The following FOXN3 variants were observed in gnomAD, a reference collection of about 807,000 sequenced individuals.
The protein encoded by FOXN3 is forkhead box protein N3.
In FOXN3, 7 loss-of-function variants were observed where a neutral mutation model predicts 38.4. The ratio of observed to expected loss-of-function variants is 0.18; its 90% confidence interval spans 0.10 to 0.34. The LOEUF (loss-of-function observed/expected upper bound fraction) is 0.34, where lower values mean the gene tolerates loss of function less well. FOXN3 is among the 10% of genes least tolerant of loss of function. The pLI, the probability that FOXN3 is intolerant of heterozygous loss-of-function variation, is 1.00. For synonymous variants in FOXN3, 230 were observed against 242.2 expected, an observed-to-expected ratio of 0.95 and a Z score of 0.47; for missense variants, 456 against 613.4, an observed-to-expected ratio of 0.74 and a Z score of 2.71.
chr14:89,378,581 G>A (rs1890552547), intron 2 of FOXN3, among the ~76,000 whole-genome samples: 1 of 152,058 alleles, frequency 6.6e-6, no homozygotes, highest in African/African-American at 2.4e-5. Context: ...GATAAGAGGG[G>A]ACAATTTAAA....
intron 1 of FOXN3, among the ~76,000 whole-genome samples, chr14:89,533,404 C>T (rs1166597578): frequency 6.6e-6 from 1 of 152,194 alleles, no homozygotes. Context: ...TGGCTCACGC[C>T]TGTAATCCTA....
chr14:89,196,530 T>A (rs1165523979), intron 4 of FOXN3, among the ~76,000 whole-genome samples: 3 of 152,198 alleles, frequency 2.0e-5, no homozygotes, highest in African/African-American at 7.2e-5. Context: ...TGCTCTGTAA[T>A]GTCCCTTGAT....
intron 2 of FOXN3, among the ~76,000 whole-genome samples, chr14:89,366,240 G>A (rs1375760004): frequency 6.8e-6 from 1 of 147,452 alleles, no homozygotes; most frequent in Non-Finnish European, 1.5e-5. Flanking sequence ...GCGACAGAGC[G>A]AGACTCCGTC....
At chr14:89,324,535 A>G (rs1377208006) in intron 3 of FOXN3, among the ~76,000 whole-genome samples, 1 of 151,994 alleles carries the variant, frequency 6.6e-6, no homozygotes, top group Admixed American at 6.6e-5. Context: ...AGTAGGATAC[A>G]TGAGAAAATA....
In FOXN3 at chr14:89,337,013, G is replaced by A. The variant is rs986471173; in HGVS notation, c.680+13659C>T. On this transcript the variant is annotated intron_variant, in intron 3 of 5. Transcript: ENST00000557258. ...AGAATAAAATTCCATTGGAGTCACC[G>A]TATGTCCAATCCTTCCTTTCTCAAG... Among the ~76,000 whole-genome samples, 48 of 152,132 alleles carry A rather than the reference G, an allele frequency of 3.2e-4. 1 individual carries two copies. Among genetic ancestry groups the A allele is most frequent in the Middle Eastern group, 3.2e-3 (1 of 316 alleles).
At chr14:89,552,165 G>A (rs545444306) in intron 1 of FOXN3, among the ~76,000 whole-genome samples, 51 of 152,306 alleles carry the variant, frequency 3.3e-4, no homozygotes, top group African/African-American at 9.1e-4. Flanking sequence ...TGTTAAGACA[G>A]GACTTGGGCC....
At chr14:89,479,513 G>A (rs191986269) in intron 1 of FOXN3, among the ~76,000 whole-genome samples, 7 of 152,208 alleles carry the variant, frequency 4.6e-5, no homozygotes, top group Non-Finnish European at 8.8e-5. Context: ...GTAGTCGGTG[G>A]TGGCGGTGTG....
intron 2 of FOXN3, among the ~76,000 whole-genome samples, chr14:89,382,426 AC>A (rs1240971904): frequency 6.6e-6 from 1 of 152,154 alleles, no homozygotes; most frequent in African/African-American, 2.4e-5. Context: ...GCCCTTCCCA[AC>A]ATGGCACCTT....
At chr14:89,497,547 C>G (rs547310512) in intron 1 of FOXN3, among the ~76,000 whole-genome samples, 1 of 151,806 alleles carries the variant, frequency 6.6e-6, no homozygotes, top group East Asian at 2.0e-4. Flanking sequence ...GCTAGGATTA[C>G]AGGCATGCAC....
At chr14:89,429,686 C>G (rs1229513863) in intron 1 of FOXN3, among the ~76,000 whole-genome samples, 1 of 152,180 alleles carries the variant, frequency 6.6e-6, no homozygotes, top group Non-Finnish European at 1.5e-5. Context: ...GGGGAACAGG[C>G]GGCCCCAGCA....
At chr14:89,431,006 T>TA (rs1436601169) in intron 1 of FOXN3, among the ~76,000 whole-genome samples, 2 of 152,206 alleles carry the variant, frequency 1.3e-5, no homozygotes, top group African/African-American at 4.8e-5. Flanking sequence ...CATCTCCATT[T>TA]AAGGAAAATG....
intron 4 of FOXN3, among the ~76,000 whole-genome samples, chr14:89,225,803 G>A (rs1161705393): frequency 6.6e-6 from 1 of 152,042 alleles, no homozygotes; most frequent in East Asian, 1.9e-4. Context: ...AGGATCGTGT[G>A]TAACATAAAG....
At chr14:89,230,117 A>G (rs566601031) in intron 4 of FOXN3, among the ~76,000 whole-genome samples, 114 of 152,376 alleles carry the variant, frequency 7.5e-4, no homozygotes, top group Non-Finnish European at 1.6e-3. Flanking sequence ...GTATCTCCAT[A>G]GGAAACCAGG....
intron 4 of FOXN3, among the ~76,000 whole-genome samples, chr14:89,270,308 T>C (rs536030715): frequency 6.6e-6 from 1 of 152,216 alleles, no homozygotes; most frequent in Non-Finnish European, 1.5e-5. Context: ...GAAGGATCTA[T>C]GTTACTATTG....
At chr14:89,553,252 A>G (rs1368726370) in intron 1 of FOXN3, among the ~76,000 whole-genome samples, 1 of 149,346 alleles carries the variant, frequency 6.7e-6, no homozygotes, top group African/African-American at 2.5e-5. Flanking sequence ...AAAAAAAAAA[A>G]AAAAAAAAAG....
intron 1 of FOXN3, among the ~76,000 whole-genome samples, chr14:89,472,879 C>T (rs979854925): frequency 6.6e-6 from 1 of 152,148 alleles, no homozygotes; most frequent in African/African-American, 2.4e-5. Flanking sequence ...AAACAATTTC[C>T]ATAACCCTTC....
At chr14:89,169,914 A>G (rs564768023) in intron 5 of FOXN3, among the ~76,000 whole-genome samples, 1 of 152,340 alleles carries the variant, frequency 6.6e-6, no homozygotes, top group South Asian at 2.1e-4. Flanking sequence ...AAAATGCGCT[A>G]AAAATCTTCA....
intron 1 of FOXN3, among the ~76,000 whole-genome samples, chr14:89,532,232 T>C (rs1204076165): frequency 6.6e-6 from 1 of 152,210 alleles, no homozygotes; most frequent in African/African-American, 2.4e-5. Flanking sequence ...AGGTCTGCAA[T>C]GCCCAGAGAA....
intron 2 of FOXN3, among the ~76,000 whole-genome samples, chr14:89,410,887 A>G (rs1297590508): frequency 6.8e-6 from 1 of 147,706 alleles, no homozygotes; most frequent in East Asian, 2.0e-4. Flanking sequence ...AAAAAAGAGG[A>G]AAAAAAAGAA....
Sources: allele counts gnomAD v4.1 joint callset (sites outside exome capture counted in the v4.1 genomes callset), GRCh38; gene constraint gnomAD v4.1.1; transcripts MANE v1.5; gene names NCBI Gene and HGNC (gene_info 2026-07-23, HGNC 2026-07-21).